SDK2: variants seen among roughly 807,000 people sequenced by gnomAD.
SDK2 encodes protein sidekick-2.
SDK2 carries 105 observed loss-of-function variants against 253.9 expected under a neutral mutation model. That is an observed-to-expected ratio of 0.41 (90% CI 0.35 to 0.49). The LOEUF (loss-of-function observed/expected upper bound fraction) is 0.49, where lower values mean the gene tolerates loss of function less well. Ranked by LOEUF, SDK2 falls within the 20% of genes least tolerant of loss-of-function variation. The pLI is 0.06. For synonymous variants in SDK2, 1,249 were observed against 1,234.9 expected (o/e 1.01, Z -0.24); for missense variants, 2,608 against 3,003.0 (o/e 0.87, Z 3.07).
In SDK2 at chr17:73,395,419, T is replaced by A; in HGVS notation, c.3355-27A>T. The A allele has an allele frequency of 1.9e-5, 30 of 1,593,204 alleles. No individual in the cohort carries two copies. Among genetic ancestry groups the A allele is most frequent in the Non-Finnish European group, 2.6e-5 (30 of 1,161,738 alleles). The stretch of plus-strand genomic sequence containing the variant: ...TGCAGCGGGGCAGGGGTGGCAAAGC[T>A]GCTATGAGCCAGGCCCCCCACTGTG... On this transcript the variant is annotated intron_variant, in intron 24 of 44. Coordinates refer to ENST00000392650, the MANE Select transcript of SDK2 (RefSeq NM_001144952.2). This position sits in a 1 kb window ranked among gnomAD's most constrained non-coding sequence, Gnocchi z 4.3.
chr17:73,553,524 T>G (rs1418208882), intron 1 of SDK2, among the ~76,000 whole-genome samples: 1 of 152,142 alleles, frequency 6.6e-6, no homozygotes, highest in East Asian at 1.9e-4. Flanking sequence ...TGATGGTGTT[T>G]CCTGCAGGGA....
intron 1 of SDK2, among the ~76,000 whole-genome samples, chr17:73,625,132 T>G (rs1192405664): frequency 1.3e-5 from 2 of 152,158 alleles, no homozygotes; most frequent in East Asian, 1.9e-4. Flanking sequence ...AAGACCATGG[T>G]AATTTGAACA....
At chr17:73,486,497 C>A (rs1216720528) in intron 2 of SDK2, among the ~76,000 whole-genome samples, 1 of 151,496 alleles carries the variant, frequency 6.6e-6, no homozygotes, top group East Asian at 1.9e-4. Flanking sequence ...GTAGTCCCAG[C>A]TACTTGGGAG....
intron 1 of SDK2, among the ~76,000 whole-genome samples, chr17:73,556,332 ATTG>A (rs1369770719): frequency 3.3e-5 from 4 of 120,566 alleles, no homozygotes; most frequent in East Asian, 2.7e-4. Flanking sequence ...GGTTTTTTTT[ATTG>A]TTGTTGTTGT....
intron 20 of SDK2, 25 bp from the exon 21 acceptor site, chr17:73,401,236 T>C: frequency 2.0e-6 from 3 of 1,525,272 alleles, no homozygotes; most frequent in Non-Finnish European, 2.7e-6. Flanking sequence ...CGTGTTGGCA[T>C]GAGCTTGGCT....
rs762282991 is a variant in SDK2, at chr17:73,401,646, G to T, written c.2779+8C>A. On this transcript the variant is annotated splice_region_variant and intron_variant, in intron 20 of 44. Transcript: ENST00000392650. ...TGCCCTCTGGTTCAGAAACACTGCA[G>T]TGCCTACCTGTGAGGATGCCATTTT... The T allele has an allele frequency of 6.3e-7, 1 of 1,578,058 alleles. No individual in the cohort carries two copies. Among genetic ancestry groups the T allele is most frequent in the South Asian group, 1.2e-5 (1 of 86,056 alleles).
In SDK2 at chr17:73,440,795, G is replaced by C; in HGVS notation, c.725+17C>G. ...TGGAGTTACGGGTGCGGGAGCGAGG[G>C]AAGATGCACTACCTACCTGGCATTG... is the stretch of plus-strand genomic sequence containing the variant. On this transcript the variant is annotated intron_variant, in intron 6 of 44. Transcript: ENST00000392650. The C allele has an allele frequency of 6.5e-7, 1 of 1,528,076 alleles. No individual in the cohort carries two copies. The highest frequency in any genetic ancestry group is 1.4e-5 in the African/African-American group (1 of 72,710). The allele number at this position is 1,528,076 out of a possible 1,614,324, so 94.7% of individuals were successfully genotyped here. A position where few individuals can be genotyped will look rare whatever the true frequency, so the allele number is the denominator to read the frequency against.
intron 1 of SDK2, among the ~76,000 whole-genome samples, chr17:73,554,150 C>T (rs2045107885): frequency 6.6e-6 from 1 of 152,158 alleles, no homozygotes; most frequent in Non-Finnish European, 1.5e-5. Flanking sequence ...CCAGGAGGCC[C>T]CCTGATGAGG....
At chr17:73,430,368 A>C (rs887889023) in intron 12 of SDK2, 143 bp downstream of exon 12, 5 of 634,004 alleles carry the variant, frequency 7.9e-6, no homozygotes, top group Non-Finnish European at 1.4e-5. Flanking sequence ...TCAGCCCTGC[A>C]CTCAGCTCTG....
intron 26 of SDK2, 33 bp downstream of exon 26, chr17:73,394,176 A>G: frequency 7.3e-7 from 1 of 1,368,100 alleles, no homozygotes. Context: ...GGGCCAGTGT[A>G]GGGACCCCAC....
chr17:73,455,021 ATTATTG>A lies in SDK2; in HGVS notation c.479+879_479+884del, dbSNP rs1401785377. 2.0e-5 allele frequency among the ~76,000 whole-genome samples: 3 copies of A among 152,082 alleles called. No homozygotes were observed. Among genetic ancestry groups the A allele is most frequent in the Admixed American group, 6.6e-5 (1 of 15,262 alleles). On this transcript the variant is annotated intron_variant, in intron 4 of 44. Coordinates refer to ENST00000392650, the MANE Select transcript of SDK2 (RefSeq NM_001144952.2). This position sits in a 1 kb window ranked among gnomAD's most constrained non-coding sequence, Gnocchi z 5.0. ...TCCGGCCTGTGATAGTGATATTATTATTATTGTTATTGTTACTATGCTTCCTTCCCC... is the reference window on the plus strand; with the variant it reads ...TCCGGCCTGTGATAGTGATATTATTATTATTGTTACTATGCTTCCTTCCCC...
intron 2 of SDK2, among the ~76,000 whole-genome samples, chr17:73,492,944 T>G (rs2063816958): frequency 6.6e-6 from 1 of 152,144 alleles, no homozygotes; most frequent in South Asian, 2.1e-4. Flanking sequence ...ATCTAATTAG[T>G]TTCTGTGTCC....
In SDK2 at chr17:73,570,280, T is replaced by C. The variant is rs1177423004; in HGVS notation, c.65-62683A>G. Among the ~76,000 whole-genome samples, 1 of 151,988 alleles carries C rather than the reference T, an allele frequency of 6.6e-6. No homozygotes were observed. Among genetic ancestry groups the C allele is most frequent in the Non-Finnish European group, 1.5e-5 (1 of 67,972 alleles). On this transcript the variant is annotated intron_variant, in intron 1 of 44. Transcript: ENST00000392650. This position sits in a 1 kb window ranked among gnomAD's most constrained non-coding sequence, Gnocchi z 4.2. ...ATCTCCTACCACCCCATAGGAGTGG[T>C]AGACCCCGTCTACACCGGGTCCAGA...
chr17:73,447,757 A>C lies in SDK2; in HGVS notation c.480-9T>G. The C allele has an allele frequency of 4.5e-6, 7 of 1,551,588 alleles. No homozygotes were observed. The highest frequency in any genetic ancestry group is 6.1e-6 in the Non-Finnish European group (7 of 1,146,956). On this transcript the variant is annotated splice_polypyrimidine_tract_variant and intron_variant, in intron 4 of 44. Coordinates refer to ENST00000392650, the MANE Select transcript of SDK2 (RefSeq NM_001144952.2). This position sits in a 1 kb window ranked among gnomAD's most constrained non-coding sequence, Gnocchi z 4.0. The stretch of plus-strand genomic sequence containing the variant: ...TCTCCAGCGTGATGGCTCTGGGAAG[A>C]GGAAAAGGATTCCTCTGACAGGGGC...
At chr17:73,384,086 C>A in intron 32 of SDK2, 75 bp from the exon 33 acceptor site, 1 of 1,486,758 alleles carries the variant, frequency 6.7e-7, no homozygotes, top group African/African-American at 1.4e-5. Context: ...CTCATCATGC[C>A]TCCTGCAGCC....
intron 18 of SDK2, among the ~76,000 whole-genome samples, chr17:73,406,038 C>T (rs973625583): frequency 5.3e-5 from 8 of 151,626 alleles, no homozygotes; most frequent in African/African-American, 1.9e-4. Flanking sequence ...TCTTATATAT[C>T]TTAAATCACC....
intron 3 of SDK2, among the ~76,000 whole-genome samples, chr17:73,458,929 GGGAGGC>G (rs1205608321): frequency 1.3e-5 from 2 of 152,184 alleles, no homozygotes; most frequent in African/African-American, 4.8e-5. Context: ...GCTTGAACCT[GGGAGGC>G]GGAGGTTGCG....
chr17:73,598,999 G>A (rs974815333), intron 1 of SDK2, among the ~76,000 whole-genome samples: 6 of 152,250 alleles, frequency 3.9e-5, no homozygotes, highest in African/African-American at 1.2e-4. Context: ...TGAGAGTGCT[G>A]AAGAAAACGG....
At chr17:73,525,753 T>C (rs1273913388) in intron 1 of SDK2, among the ~76,000 whole-genome samples, 2 of 145,688 alleles carry the variant, frequency 1.4e-5, no homozygotes, top group African/African-American at 2.6e-5. Flanking sequence ...CCAAGAAGGC[T>C]CCCCCCTACC....
Sources: gnomAD v4.1 joint callset for allele counts (sites outside exome capture counted in the v4.1 genomes callset) on GRCh38, gnomAD v4.1.1 for gene constraint, Gnocchi (gnomAD v3.1) non-coding constraint, MANE v1.5 for transcripts, NCBI Gene and HGNC (gene_info 2026-07-23, HGNC 2026-07-21) for gene names.